Variants in KAT2B observed in about 807,000 individuals in gnomAD.
The protein encoded by KAT2B is lysine acetyltransferase 2B.
Under a neutral mutation model 105.9 loss-of-function variants are expected in KAT2B, and 36 were observed. That is an observed-to-expected ratio of 0.34 (90% confidence interval 0.26 to 0.45). KAT2B has a LOEUF of 0.45. Among genes scored for constraint, KAT2B ranks in the 20% least tolerant of loss-of-function variants. KAT2B has a pLI of 1.00. For synonymous variants in KAT2B, 397 were observed against 377.9 expected (o/e 1.05, Z -0.59); for missense variants, 820 against 1,021.6 (o/e 0.80, Z 2.69).
chr3:20,042,214 A>G (rs1408983320), intron 1 of KAT2B, among the ~76,000 whole-genome samples: 1 of 152,262 alleles, frequency 6.6e-6, no homozygotes, highest in Non-Finnish European at 1.5e-5. Context: ...AGACCTGGAC[A>G]ATATATTATT....
intron 5 of KAT2B, among the ~76,000 whole-genome samples, chr3:20,102,001 A>G (rs1404324295): frequency 1.3e-5 from 2 of 152,180 alleles, no homozygotes; most frequent in East Asian, 1.9e-4. Flanking sequence ...AAAAAATGCA[A>G]TGACCATATA....
intron 3 of KAT2B, among the ~76,000 whole-genome samples, chr3:20,099,488 T>G (rs988356200): frequency 1.2e-4 from 18 of 152,174 alleles, no homozygotes; most frequent in Non-Finnish European, 2.2e-4. Context: ...TGTGTAGGGT[T>G]GCATACCAGG....
chr3:20,130,854 A>AGTGTGTGT (rs60944875), intron 11 of KAT2B, among the ~76,000 whole-genome samples: 2 of 150,350 alleles, frequency 1.3e-5, no homozygotes, highest in African/African-American at 2.4e-5. Context: ...GGATGAGTTT[A>AGTGTGTGT]GTGTGTGTGT....
chr3:20,048,694 A>G lies in KAT2B; in HGVS notation c.303+7914A>G, dbSNP rs75973048. On this transcript the variant is annotated intron_variant, in intron 1 of 17. Transcript: ENST00000263754. ...ATTTAGTTAGTCTGTCGTTAAGAGA[A>G]AAGTGGCTATTTAGGAAAAATTGTC... Among the ~76,000 whole-genome samples, 1,101 of 152,316 alleles carry G rather than the reference A, an allele frequency of 7.2e-3. 10 individuals are homozygous for G. Among genetic ancestry groups the G allele is most frequent in the African/African-American group, 0.025 (1,029 of 41,564 alleles).
Position 20,118,245 on chromosome 3 carries a change from AT to A in KAT2B, c.1151-1348del, listed in dbSNP as rs1227394371. ...TATGTAAATATGTAAATATATTTAC[AT>A]TTTTACAAAAATATGTAAATATATT... On this transcript the variant is annotated intron_variant, in intron 7 of 17. Coordinates refer to ENST00000263754, the MANE Select transcript of KAT2B (RefSeq NM_003884.5). Among the ~76,000 whole-genome samples the A allele has an allele frequency of 2.1e-5, 3 of 146,178 alleles. No homozygotes were observed. The East Asian group carries it at 5.9e-4, about 29-fold the overall frequency.
chr3:20,055,579 G>A (rs1697990477), intron 1 of KAT2B, among the ~76,000 whole-genome samples: 1 of 152,150 alleles, frequency 6.6e-6, no homozygotes, highest in South Asian at 2.1e-4. Context: ...GGCCAGAAGT[G>A]GCTTGTCGTG....
chr3:20,082,180 G>A (rs1416175633), intron 2 of KAT2B, among the ~76,000 whole-genome samples: 2 of 151,898 alleles, frequency 1.3e-5, no homozygotes, highest in East Asian at 3.9e-4. Context: ...GATTACAGAT[G>A]CCTGCCACCA....
At chr3:20,086,560 C>A (rs912122724) in intron 2 of KAT2B, among the ~76,000 whole-genome samples, 7 of 152,190 alleles carry the variant, frequency 4.6e-5, no homozygotes, top group African/African-American at 1.4e-4. Context: ...AAGATCGCAC[C>A]ATTGCACTCC....
At chr3:20,102,250 A>T (rs1698923652) in intron 5 of KAT2B, among the ~76,000 whole-genome samples, 1 of 152,146 alleles carries the variant, frequency 6.6e-6, no homozygotes, top group African/African-American at 2.4e-5. Context: ...CTGGAGGCAG[A>T]GTTTGCAGTG....
At chr3:20,104,842 G>C (rs1698970315) in intron 5 of KAT2B, among the ~76,000 whole-genome samples, 1 of 151,104 alleles carries the variant, frequency 6.6e-6, no homozygotes, top group South Asian at 2.1e-4. Flanking sequence ...TTACTTCTCT[G>C]TTCTGAAGAA....
chr3:20,057,785 T>C (rs1233710272), intron 1 of KAT2B, among the ~76,000 whole-genome samples: 1 of 152,136 alleles, frequency 6.6e-6, no homozygotes, highest in African/African-American at 2.4e-5. Context: ...GGCCAACCCC[T>C]AGGCTATTTG....
intron 5 of KAT2B, among the ~76,000 whole-genome samples, chr3:20,104,398 A>C (rs573245605): frequency 3.9e-5 from 6 of 152,144 alleles, no homozygotes; most frequent in Non-Finnish European, 8.8e-5. Context: ...GTTGATGAGG[A>C]AAGGGAAGTA....
At chr3:20,118,820 A>G in intron 7 of KAT2B, among the ~76,000 whole-genome samples, 1 of 148,118 alleles carries the variant, frequency 6.8e-6, no homozygotes, top group East Asian at 1.9e-4. Context: ...TATTATATAT[A>G]TTTTTTCTCC....
chr3:20,091,962 GT>G lies in KAT2B; in HGVS notation c.431-3299del, dbSNP rs1698726480. On this transcript the variant is annotated intron_variant, in intron 2 of 17. Transcript: ENST00000263754. ...TTGGTATGATTTCAGTCTTTTAAAAGTTGTTAAGACTTGTTTTATGGACTAT... is the reference window on the plus strand; with the variant it reads ...TTGGTATGATTTCAGTCTTTTAAAAGTGTTAAGACTTGTTTTATGGACTAT... Among the ~76,000 whole-genome samples, 3 of 152,230 alleles carry G rather than the reference GT, an allele frequency of 2.0e-5. No homozygotes were observed. In the South Asian group the frequency reaches 6.2e-4, roughly 32 times the overall value.
intron 8 of KAT2B, among the ~76,000 whole-genome samples, chr3:20,120,580 T>C (rs1472194533): frequency 6.6e-6 from 1 of 151,988 alleles, no homozygotes; most frequent in Non-Finnish European, 1.5e-5. Flanking sequence ...GAACTCAGAG[T>C]TGAGAGGTGG....
chr3:20,063,348 G>T (rs976093986), intron 1 of KAT2B, among the ~76,000 whole-genome samples: 1 of 150,926 alleles, frequency 6.6e-6, no homozygotes, highest in Non-Finnish European at 1.5e-5. Context: ...CTGGCCGCCT[G>T]TGCTTTTGGT....
chr3:20,089,808 T>C (rs1698682751), intron 2 of KAT2B, among the ~76,000 whole-genome samples: 1 of 152,110 alleles, frequency 6.6e-6, no homozygotes, highest in Non-Finnish European at 1.5e-5. Flanking sequence ...ATAAATGAGA[T>C]TGTTTCCTTG....
rs1215940227 is a variant in KAT2B, at chr3:20,049,755, A to G, written c.303+8975A>G. Among the ~76,000 whole-genome samples the G allele has an allele frequency of 2.6e-5, 4 of 152,350 alleles. No individual in the cohort carries two copies. The East Asian group carries it at 5.8e-4, about 22-fold the overall frequency. ...TTACTGGCCCAGGACAGACATATAC[A>G]TGCTCTTGATTGTTTTAAAGTTGAC... On this transcript the variant is annotated intron_variant, in intron 1 of 17. Coordinates refer to ENST00000263754, the MANE Select transcript of KAT2B (RefSeq NM_003884.5).
chr3:20,148,278 C>G lies in KAT2B; in HGVS notation c.2192C>G (p.Thr731Arg). Reference protein sequence around the residue: ...EPRDPDQLYSTLKSILQQVKS... With the variant: ...EPRDPDQLYSRLKSILQQVKS... ...AGAGACCCTGACCAGCTTTACAGCA[C>G]GCTCAAGAGCATCCTCCAGCAGGTG... Residue 731 changes from threonine (T) to arginine (R), a missense_variant, in exon 16 of 18, where the codon ACG becomes AGG. Thr to Arg is a moderately conservative substitution (Grantham distance 71, BLOSUM62 -1). This residue lies in a region of KAT2B where 227 missense variants were observed against 292.9 expected (regional missense o/e 0.77). Coordinates refer to ENST00000263754, the MANE Select transcript of KAT2B (RefSeq NM_003884.5). 1 of 1,614,066 alleles carries G rather than the reference C, an allele frequency of 6.2e-7. No individual in the cohort carries two copies. Among genetic ancestry groups the G allele is most frequent in the Non-Finnish European group, 8.5e-7 (1 of 1,179,938 alleles).
Sources: gnomAD v4.1 joint callset for allele counts (sites outside exome capture counted in the v4.1 genomes callset) on GRCh38, gnomAD v4.1.1 for gene constraint, gnomAD v4.1.1 regional missense constraint, MANE v1.5 for transcripts, NCBI Gene and HGNC (gene_info 2026-07-23, HGNC 2026-07-21) for gene names.